The following TAFA1 variants were observed in gnomAD, a reference collection of about 807,000 sequenced individuals.
TAFA1 encodes the protein TAFA chemokine like family member 1.
TAFA1 carries 4 observed loss-of-function variants against 18.5 expected under a neutral mutation model. The observed-to-expected ratio is 0.22, with a 90% CI of 0.11 to 0.49. TAFA1 has a LOEUF of 0.49. TAFA1 is among the 20% of genes least tolerant of loss of function. The pLI, the probability that TAFA1 is intolerant of heterozygous loss-of-function variation, is 0.98. For missense variants in TAFA1, 147 were observed against 169.0 expected, an observed-to-expected ratio of 0.87 and a Z score of 0.72; for synonymous variants, 56 against 55.2, an observed-to-expected ratio of 1.01 and a Z score of -0.06.
intron 3 of TAFA1, among the ~76,000 whole-genome samples, chr3:68,536,217 A>G (rs2073276623): frequency 6.6e-6 from 1 of 152,246 alleles, no homozygotes; most frequent in African/African-American, 2.4e-5. Flanking sequence ...AGGAAAGCCT[A>G]AGGGCAGAGA....
chr3:68,258,680 C>T (rs1274848658), intron 2 of TAFA1, among the ~76,000 whole-genome samples: 1 of 152,118 alleles, frequency 6.6e-6, no homozygotes, highest in Non-Finnish European at 1.5e-5. Flanking sequence ...AGCCACATAA[C>T]AAATATACCA....
At chr3:68,538,675 A>C in intron 3 of TAFA1, 81 bp from the exon 4 acceptor site, 7 of 1,459,962 alleles carry the variant, frequency 4.8e-6, no homozygotes, top group Non-Finnish European at 5.7e-6. Flanking sequence ...CAAGAACGTG[A>C]AAATCTGCAG....
intron 3 of TAFA1, among the ~76,000 whole-genome samples, chr3:68,419,248 C>T (rs562015892): frequency 3.3e-5 from 5 of 152,184 alleles, no homozygotes; most frequent in African/African-American, 1.2e-4. Context: ...GGTGGTAGAC[C>T]GCAAGGGCTG....
chr3:68,253,935 G>C (rs1292687897), intron 2 of TAFA1, among the ~76,000 whole-genome samples: 2 of 152,134 alleles, frequency 1.3e-5, no homozygotes, highest in African/African-American at 4.8e-5. Context: ...TGTGGCAACT[G>C]GGTTTTGATT....
chr3:68,222,540 AC>A (rs770915488), intron 2 of TAFA1, among the ~76,000 whole-genome samples: 43 of 152,136 alleles, frequency 2.8e-4, no homozygotes, highest in Non-Finnish European at 5.7e-4. Context: ...GGTTGAATTA[AC>A]TTCTCAAGTT....
intron 3 of TAFA1, among the ~76,000 whole-genome samples, chr3:68,466,161 G>A (rs1208651528): frequency 6.6e-6 from 1 of 151,856 alleles, no homozygotes; most frequent in Non-Finnish European, 1.5e-5. Flanking sequence ...AGTAGAGTTG[G>A]CATACTTCAC....
chr3:67,998,347 C>A, the TAFA1 span, among the ~76,000 whole-genome samples: 1 of 152,080 alleles, frequency 6.6e-6, no homozygotes, highest in African/African-American at 2.4e-5. Context: ...TATAATTATG[C>A]CCTCAATATT....
chr3:68,385,370 T>C (rs1294731092), intron 2 of TAFA1, among the ~76,000 whole-genome samples: 1 of 152,086 alleles, frequency 6.6e-6, no homozygotes, highest in Admixed American at 6.6e-5. Context: ...TAAACCAGGT[T>C]ATTAGCAGAT....
At chr3:68,200,963 C>A in intron 2 of TAFA1, among the ~76,000 whole-genome samples, 1 of 151,464 alleles carries the variant, frequency 6.6e-6, no homozygotes, top group African/African-American at 2.4e-5. Context: ...GATTTTAGAT[C>A]TTTTAAAATT....
intron 2 of TAFA1, among the ~76,000 whole-genome samples, chr3:68,194,586 A>AG (rs1230947631): frequency 3.3e-5 from 5 of 151,770 alleles, no homozygotes; most frequent in Non-Finnish European, 7.4e-5. Flanking sequence ...TGTTGTTGGC[A>AG]GGGAGTACAT....
chr3:68,120,171 C>CTCTTTCTTTCTTTCTTTCTTTCTT (rs67707831), intron 2 of TAFA1, among the ~76,000 whole-genome samples: 2 of 84,488 alleles, frequency 2.4e-5, no homozygotes, highest in East Asian at 7.5e-4. Context: ...CTCTTTCTTT[C>CTCTTTCTTTCTTTCTTTCTTTCTT]TCTTTCTTTC....
At chr3:68,470,431 G>T (rs919177241) in intron 3 of TAFA1, among the ~76,000 whole-genome samples, 2 of 152,152 alleles carry the variant, frequency 1.3e-5, no homozygotes, top group African/African-American at 4.8e-5. Context: ...ACAGTTTAGA[G>T]GACTCAGAAG....
At chr3:68,329,507 T>C (rs1441914413) in intron 2 of TAFA1, among the ~76,000 whole-genome samples, 1 of 152,168 alleles carries the variant, frequency 6.6e-6, no homozygotes, top group Non-Finnish European at 1.5e-5. Flanking sequence ...GTGGTGATGG[T>C]TAATGACATG....
At chr3:68,372,010 T>C (rs1559638578) in intron 2 of TAFA1, among the ~76,000 whole-genome samples, 2 of 152,228 alleles carry the variant, frequency 1.3e-5, no homozygotes, top group Non-Finnish European at 2.9e-5. Flanking sequence ...AACATCTCGA[T>C]GTAGGCTAGT....
At chr3:68,030,444 G>A (rs1413257348) in intron 2 of TAFA1, among the ~76,000 whole-genome samples, 2 of 152,054 alleles carry the variant, frequency 1.3e-5, no homozygotes, top group African/African-American at 4.8e-5. Flanking sequence ...GCCCCAGTGT[G>A]TGATGTTCCC....
chr3:68,194,835 G>A (rs537336132), intron 2 of TAFA1, among the ~76,000 whole-genome samples: 1 of 151,732 alleles, frequency 6.6e-6, no homozygotes, highest in Non-Finnish European at 1.5e-5. Flanking sequence ...GTGAGGTTTT[G>A]TTGGTAAAGT....
At chr3:68,170,202 C>T (rs1196553083) in intron 2 of TAFA1, among the ~76,000 whole-genome samples, 7 of 152,226 alleles carry the variant, frequency 4.6e-5, no homozygotes, top group Non-Finnish European at 8.8e-5. Context: ...GACACACAAC[C>T]GTGGTACTTG....
chr3:68,427,900 G>T (rs1019995803), intron 3 of TAFA1, among the ~76,000 whole-genome samples: 1 of 151,902 alleles, frequency 6.6e-6, no homozygotes, highest in Non-Finnish European at 1.5e-5. Context: ...TTCTCTTGCT[G>T]CCACCATGTA....
chr3:68,223,769 C>G (rs2066760908), intron 2 of TAFA1, among the ~76,000 whole-genome samples: 1 of 152,030 alleles, frequency 6.6e-6, no homozygotes, highest in South Asian at 2.1e-4. Flanking sequence ...GAATGCTGAT[C>G]AGGACAAAAG....
Sources: gnomAD v4.1 joint callset for allele counts (sites outside exome capture counted in the v4.1 genomes callset) on GRCh38, gnomAD v4.1.1 for gene constraint, MANE v1.5 for transcripts, NCBI Gene and HGNC (gene_info 2026-07-23, HGNC 2026-07-21) for gene names.